PGR: variants seen among roughly 807,000 people sequenced by gnomAD.
PGR encodes the protein progesterone receptor.
PGR carries 25 observed loss-of-function variants against 76.1 expected under a neutral mutation model. The ratio of observed to expected loss-of-function variants is 0.33; its 90% confidence interval spans 0.24 to 0.46. PGR has a LOEUF of 0.46. PGR is among the 20% of genes least tolerant of loss of function. PGR has a pLI of 1.00. For missense variants in PGR, 1,172 were observed against 1,225.3 expected, an observed-to-expected ratio of 0.96 and a Z score of 0.65; for synonymous variants, 579 against 535.0, an observed-to-expected ratio of 1.08 and a Z score of -1.14.
In PGR at chr11:101,046,292, ATTTTTTTTTTTTTTTTTTTTTTTTT is replaced by A. The variant is rs540943297; in HGVS notation, c.2488+3612_2488+3636del. Among the ~76,000 whole-genome samples the A allele has an allele frequency of 2.1e-3, 139 of 66,294 alleles. 1 individual carries two copies. Among genetic ancestry groups the A allele is most frequent in the Middle Eastern group, 8.6e-3 (1 of 116 alleles). The allele number at this position is 66,294 out of a possible 152,430, so 43.5% of individuals were successfully genotyped here. On this transcript the variant is annotated intron_variant, in intron 6 of 7. Coordinates refer to ENST00000325455, the MANE Select transcript of PGR (RefSeq NM_000926.4). ...AGGCACTTGCCACTACGCCTGGCTA[ATTTTTTTTTTTTTTTTTTTTTTTTT>A]TTTTTTTTTTTTTTTTTTTAGAGAC...
chr11:101,088,731 C>T (rs1861578393), intron 3 of PGR, among the ~76,000 whole-genome samples: 1 of 152,214 alleles, frequency 6.6e-6, no homozygotes, highest in Non-Finnish European at 1.5e-5. Context: ...GACACATGCA[C>T]TCACATGTTC....
chr11:101,065,373 GT>G lies in PGR; in HGVS notation c.1907-2622del, dbSNP rs1177834887. 9.2e-5 allele frequency among the ~76,000 whole-genome samples: 14 copies of G among 152,138 alleles called. 1 individual carries two copies. Among genetic ancestry groups the G allele is most frequent in the South Asian group, 4.1e-4 (2 of 4,830 alleles). ...TGTGATTTTTAAAAACCACTTTGTT[GT>G]TTTTTTATATAGGATATTTGTTCAA... On this transcript the variant is annotated intron_variant, in intron 3 of 7. Coordinates refer to ENST00000325455, the MANE Select transcript of PGR (RefSeq NM_000926.4).
At position 101,030,629 on chromosome 11, in the gene PGR, T is replaced by G. The variant is rs1859321479; in HGVS notation, c.*8487A>C. 4.6e-6 allele frequency: 1 copy of G among 216,928 alleles called. No homozygotes were observed. The highest frequency in any genetic ancestry group is 2.3e-5 in the African/African-American group (1 of 44,440). The allele number at this position is 216,928 out of a possible 1,614,324, so 13.4% of individuals were successfully genotyped here. On this transcript the variant is annotated 3_prime_UTR_variant, in exon 8 of 8. Coordinates refer to ENST00000325455, the MANE Select transcript of PGR (RefSeq NM_000926.4). ...ATATTGCTCTGAGGAGAATTGGAAT[T>G]GTTATAGCGGAAATGTTCAAAGAAA...
At chr11:101,078,315 C>G (rs1257630678) in intron 3 of PGR, among the ~76,000 whole-genome samples, 1 of 152,110 alleles carries the variant, frequency 6.6e-6, no homozygotes, top group African/African-American at 2.4e-5. Context: ...AAACCTGTAA[C>G]TGTGGATTTA....
rs139133710 is a variant in PGR at position 101,036,156 on chromosome 11, T to C, written c.*2960A>G. 244 of 220,172 alleles carry C rather than the reference T, an allele frequency of 1.1e-3. 5 individuals carry two copies. In the East Asian group the frequency reaches 0.016, roughly 15 times the overall value. 13.6% of individuals were successfully genotyped at this position (220,172 alleles called of 1,614,324 possible). A position where few individuals can be genotyped will look rare whatever the true frequency, so the allele number is the denominator to read the frequency against. ...ATCTGTGGATAATTTAAGTTACAGG[T>C]TGACATTCCATGGCTACTTACAAGG... On this transcript the variant is annotated 3_prime_UTR_variant, in exon 8 of 8. Coordinates refer to ENST00000325455, the MANE Select transcript of PGR (RefSeq NM_000926.4).
At position 101,127,476 on chromosome 11, in the gene PGR, T is replaced by C; in HGVS notation, c.1595A>G (p.Glu532Gly). 6.4e-7 allele frequency: 1 copy of C among 1,559,938 alleles called. No individual in the cohort carries two copies. The highest frequency in any genetic ancestry group is 8.6e-7 in the Non-Finnish European group (1 of 1,156,496). Reference sequence around the variant, plus strand: ...GGGCGGGTAGACCTGCGGCAGGCCCTCCTTGAGCACGGCGGCCTGGTAGCC... The same window carrying C: ...GGGCGGGTAGACCTGCGGCAGGCCCCCCTTGAGCACGGCGGCCTGGTAGCC... ...QLGYQAAVLK[E>G]GLPQVYPPYL... Residue 532 changes from glutamate to glycine, a missense_variant, in exon 1 of 8, where the codon GAG becomes GGG. Glu to Gly is a moderately conservative substitution (Grantham distance 98, BLOSUM62 -2). Around this residue, in one of 4 missense-constraint regions of PGR, gnomAD observed 893 missense variants for 785.9 expected, o/e 1.14. Coordinates refer to ENST00000325455, the MANE Select transcript of PGR (RefSeq NM_000926.4).
At chr11:101,120,017 G>A (rs1334726741) in intron 2 of PGR, among the ~76,000 whole-genome samples, 1 of 152,274 alleles carries the variant, frequency 6.6e-6, no homozygotes, top group East Asian at 1.9e-4. Flanking sequence ...ACAGTGCCTG[G>A]GTTATAGTGA....
At chr11:101,105,178 C>A (rs1179121970) in intron 2 of PGR, among the ~76,000 whole-genome samples, 3 of 152,144 alleles carry the variant, frequency 2.0e-5, no homozygotes, top group Non-Finnish European at 4.4e-5. Flanking sequence ...GCCTTGAAGG[C>A]CACTGTAAGA....
chr11:101,096,203 A>G (rs560662240), intron 2 of PGR, among the ~76,000 whole-genome samples: 2 of 152,314 alleles, frequency 1.3e-5, no homozygotes, highest in South Asian at 4.1e-4. Context: ...GGGCACTGGC[A>G]TGAAGTCACG....
intron 2 of PGR, among the ~76,000 whole-genome samples, chr11:101,122,807 G>A (rs1166739207): frequency 1.3e-5 from 2 of 152,132 alleles, no homozygotes; most frequent in African/African-American, 4.8e-5. Context: ...CCTAACATGG[G>A]AGGGAGGTGA....
Position 101,098,828 on chromosome 11 carries a change from G to A in PGR, c.1790-6952C>T, listed in dbSNP as rs563501042. On this transcript the variant is annotated intron_variant, in intron 2 of 7. Coordinates refer to ENST00000325455, the MANE Select transcript of PGR (RefSeq NM_000926.4). Reference sequence around the variant, plus strand: ...AACCTTAAAAGACTGCCTTAGCAATGAAAACAGGGCTAGAAAACACTACAC... The same window carrying A: ...AACCTTAAAAGACTGCCTTAGCAATAAAAACAGGGCTAGAAAACACTACAC... Among the ~76,000 whole-genome samples the A allele has an allele frequency of 3.8e-4, 58 of 152,336 alleles. No individual in the cohort carries two copies. The South Asian group carries it at 0.012, about 30-fold the overall frequency.
chr11:101,052,806 T>C (rs920630679), intron 4 of PGR, among the ~76,000 whole-genome samples: 2 of 152,144 alleles, frequency 1.3e-5, no homozygotes, highest in South Asian at 2.1e-4. Context: ...TGTCAACTGA[T>C]TGCCGGTAGA....
chr11:101,115,177 G>A (rs1177302405), intron 2 of PGR, among the ~76,000 whole-genome samples: 1 of 151,836 alleles, frequency 6.6e-6, no homozygotes. Flanking sequence ...CTTCTGCTCA[G>A]TCTGTAGTTT....
In PGR at chr11:101,037,384, T is replaced by G. The variant is rs1859546722; in HGVS notation, c.*1732A>C. 1 of 217,874 alleles carries G rather than the reference T, an allele frequency of 4.6e-6. No homozygotes were observed. The highest frequency in any genetic ancestry group is 1.9e-4 in the South Asian group (1 of 5,404). The allele number at this position is 217,874 out of a possible 1,614,324, so 13.5% of individuals were successfully genotyped here. On this transcript the variant is annotated 3_prime_UTR_variant, in exon 8 of 8. Coordinates refer to ENST00000325455, the MANE Select transcript of PGR (RefSeq NM_000926.4). ...CTTCAGCTCCAAATTCTCATAAGGC[T>G]TATTAGCACATTTTTCTTGTGCTAA...
chr11:101,102,191 TA>T (rs747469209), intron 2 of PGR, among the ~76,000 whole-genome samples: 1 of 152,116 alleles, frequency 6.6e-6, no homozygotes, highest in Non-Finnish European at 1.5e-5. Flanking sequence ...GGATCCTGAA[TA>T]AAAAAACATT....
At chr11:101,078,717 A>T (rs548997338) in intron 3 of PGR, among the ~76,000 whole-genome samples, 2 of 152,336 alleles carry the variant, frequency 1.3e-5, no homozygotes, top group East Asian at 3.9e-4. Flanking sequence ...AAACATAGCC[A>T]CGGAAGCAGA....
chr11:101,038,083 C>A lies in PGR; in HGVS notation c.*1033G>T, dbSNP rs1461759638. On this transcript the variant is annotated 3_prime_UTR_variant, in exon 8 of 8. Transcript: ENST00000325455. ...AGGGGGAAAATTCTGGAAGAAATTTCATGGTAAAAAGATTTGCATGGCTGA... is the reference window on the plus strand; with the variant it reads ...AGGGGGAAAATTCTGGAAGAAATTTAATGGTAAAAAGATTTGCATGGCTGA... 1 of 199,526 alleles carries A rather than the reference C, an allele frequency of 5.0e-6. No individual in the cohort carries two copies. Among genetic ancestry groups the A allele is most frequent in the African/African-American group, 2.3e-5 (1 of 43,452 alleles). The allele number at this position is 199,526 out of a possible 1,614,324, so 12.4% of individuals were successfully genotyped here. A position where few individuals can be genotyped will look rare whatever the true frequency, so the allele number is the denominator to read the frequency against.
chr11:101,129,084 C>T lies in PGR; in HGVS notation c.-14G>A. 6.7e-7 allele frequency: 1 copy of T among 1,498,344 alleles called. No homozygotes were observed. Among genetic ancestry groups the T allele is most frequent in the Non-Finnish European group, 8.9e-7 (1 of 1,124,242 alleles). 92.8% of individuals were successfully genotyped at this position (1,498,344 alleles called of 1,614,324 possible). A position where few individuals can be genotyped will look rare whatever the true frequency, so the allele number is the denominator to read the frequency against. On this transcript the variant is annotated 5_prime_UTR_variant, in exon 1 of 8. Coordinates refer to ENST00000325455, the MANE Select transcript of PGR (RefSeq NM_000926.4). ...CAGCTCAGTCATGACGACTGGACTC[C>T]CCTTTTCTCCTCCCCCGTCTCCAGG...
chr11:101,030,184 A>T lies in PGR; in HGVS notation c.*8932T>A, dbSNP rs918913947. ...AGCATTAATAACTAAATAGGGCGTGAGTCATGAGAAAGATTCCCTGCATCT... is the reference window on the plus strand; with the variant it reads ...AGCATTAATAACTAAATAGGGCGTGTGTCATGAGAAAGATTCCCTGCATCT... On this transcript the variant is annotated 3_prime_UTR_variant, in exon 8 of 8. Coordinates refer to ENST00000325455, the MANE Select transcript of PGR (RefSeq NM_000926.4). The T allele has an allele frequency of 9.0e-6, 2 of 221,068 alleles. No individual in the cohort carries two copies. The highest frequency in any genetic ancestry group is 4.5e-5 in the African/African-American group (2 of 44,678). 13.7% of individuals were successfully genotyped at this position (221,068 alleles called of 1,614,324 possible).
Sources: allele counts gnomAD v4.1 joint callset (sites outside exome capture counted in the v4.1 genomes callset), GRCh38; gene constraint gnomAD v4.1.1; regional missense constraint gnomAD v4.1.1; transcripts MANE v1.5; gene names NCBI Gene and HGNC (gene_info 2026-07-23, HGNC 2026-07-21).